The following AIM2 variants were observed in gnomAD, a reference collection of about 807,000 sequenced individuals.
AIM2 encodes the protein interferon-inducible protein AIM2.
A neutral mutation model predicts 27.7 loss-of-function variants in AIM2; 30 were observed. The ratio of observed to expected loss-of-function variants is 1.08; its 90% CI spans 0.81 to 1.47. AIM2 has a LOEUF of 1.47. Among genes scored for constraint, AIM2 ranks in the 40% most tolerant of loss-of-function variants. The pLI is 0.00. For synonymous variants in AIM2, 141 were observed against 145.3 expected (o/e 0.97, Z 0.21); for missense variants, 358 against 411.3 (o/e 0.87, Z 1.12).
At chr1:159,063,393 A>G in intron 5 of AIM2, 93 bp downstream of exon 5, 1 of 1,228,930 alleles carries the variant, frequency 8.1e-7, no homozygotes, top group South Asian at 1.5e-5. Flanking sequence ...CTTCCACTCT[A>G]TATCCTGTTC....
chr1:159,124,900 G>C (rs1459457481), intron 1 of AIM2, among the ~76,000 whole-genome samples: 1 of 152,146 alleles, frequency 6.6e-6, no homozygotes, highest in African/African-American at 2.4e-5. Context: ...TGGTGGCAAG[G>C]GATCTTTCCA....
At chr1:159,130,108 G>A (rs1385836768) in intron 1 of AIM2, among the ~76,000 whole-genome samples, 3 of 152,058 alleles carry the variant, frequency 2.0e-5, no homozygotes, top group East Asian at 3.9e-4. Context: ...TTTTTTAAAA[G>A]CATCTGTTCA....
chr1:159,102,580 T>C (rs1183173544), intron 1 of AIM2, among the ~76,000 whole-genome samples: 1 of 152,198 alleles, frequency 6.6e-6, no homozygotes, highest in African/African-American at 2.4e-5. Context: ...AGCTGTACCC[T>C]GCAAAGCCAC....
chr1:159,113,685 T>C (rs1288067405), intron 1 of AIM2, among the ~76,000 whole-genome samples: 1 of 152,214 alleles, frequency 6.6e-6, no homozygotes, highest in East Asian at 1.9e-4. Context: ...CTTTGGGCTT[T>C]TTCTAGAAAA....
At chr1:159,098,038 A>C (rs1657216630) in intron 1 of AIM2, among the ~76,000 whole-genome samples, 1 of 152,218 alleles carries the variant, frequency 6.6e-6, no homozygotes, top group Non-Finnish European at 1.5e-5. Flanking sequence ...TTCTACAGTG[A>C]ATTCAGATAT....
At chr1:159,101,623 C>T (rs895428592) in intron 1 of AIM2, among the ~76,000 whole-genome samples, 20 of 152,134 alleles carry the variant, frequency 1.3e-4, no homozygotes, top group African/African-American at 4.6e-4. Context: ...ATGGTTTTGA[C>T]CAAAATGCTG....
upstream of AIM2, chr1:159,081,556 A>G: frequency 2.0e-6 from 1 of 501,478 alleles, no homozygotes; most frequent in Non-Finnish European, 4.1e-6. Flanking sequence ...GAGGCTCCTC[A>G]GGCTCTTGAG....
chr1:159,085,611 T>C (rs980107017), intron 1 of AIM2, among the ~76,000 whole-genome samples: 2 of 152,182 alleles, frequency 1.3e-5, no homozygotes, highest in Non-Finnish European at 2.9e-5. Flanking sequence ...GACAGTAACG[T>C]GGGCAGCATC....
intron 1 of AIM2, among the ~76,000 whole-genome samples, chr1:159,102,929 G>A (rs1202533287): frequency 6.6e-6 from 1 of 152,146 alleles, no homozygotes; most frequent in Non-Finnish European, 1.5e-5. Context: ...AAGACTTTGG[G>A]GGACTGTTGG....
intron 1 of AIM2, among the ~76,000 whole-genome samples, chr1:159,130,239 A>T (rs899800117): frequency 2.0e-5 from 3 of 152,000 alleles, no homozygotes; most frequent in African/African-American, 7.3e-5. Context: ...CTTCTTAGCC[A>T]TTCTTCTTTT....
intron 1 of AIM2, among the ~76,000 whole-genome samples, chr1:159,121,167 A>C (rs1458214169): frequency 1.3e-5 from 2 of 152,214 alleles, no homozygotes; most frequent in African/African-American, 2.4e-5. Flanking sequence ...AAAGCTAAAG[A>C]ATTATTCAAG....
chr1:159,077,737 G>A (rs1656664154), upstream of AIM2, among the ~76,000 whole-genome samples: 1 of 152,062 alleles, frequency 6.6e-6, no homozygotes, highest in Non-Finnish European at 1.5e-5. Context: ...TCCTAACCCA[G>A]GCTCCTAACC....
At chr1:159,146,355 T>C (rs982269353) in intron 1 of AIM2, among the ~76,000 whole-genome samples, 1 of 152,088 alleles carries the variant, frequency 6.6e-6, no homozygotes, top group African/African-American at 2.4e-5. Flanking sequence ...CAGGACCCTC[T>C]ATCCTGCTGT....
At chr1:159,085,922 C>A (rs1656903626) in intron 1 of AIM2, among the ~76,000 whole-genome samples, 2 of 152,180 alleles carry the variant, frequency 1.3e-5, no homozygotes, top group African/African-American at 4.8e-5. Context: ...CTAACACACA[C>A]ACACTATGTG....
chr1:159,114,684 T>C (rs371897130), intron 1 of AIM2, among the ~76,000 whole-genome samples: 99 of 152,344 alleles, frequency 6.5e-4, no homozygotes, highest in Middle Eastern at 6.8e-3. Flanking sequence ...CACTACAGCC[T>C]GGGTGACACA....
chr1:159,116,075 TG>T (rs1402591705), intron 1 of AIM2, among the ~76,000 whole-genome samples: 1 of 151,988 alleles, frequency 6.6e-6, no homozygotes, highest in Non-Finnish European at 1.5e-5. Context: ...AAAAGACACA[TG>T]AAAAAATGCT....
At chr1:159,100,915 G>C (rs1408926656) in intron 1 of AIM2, among the ~76,000 whole-genome samples, 1 of 152,186 alleles carries the variant, frequency 6.6e-6, no homozygotes, top group East Asian at 1.9e-4. Context: ...TTCTGTCACT[G>C]GATTTATAGC....
intron 2 of AIM2, among the ~76,000 whole-genome samples, chr1:159,071,419 C>T (rs139645204): frequency 2.4e-4 from 37 of 152,316 alleles, no homozygotes; most frequent in African/African-American, 7.9e-4. Flanking sequence ...CATTCAAAAG[C>T]GGCCTAAGTA....
At chr1:159,081,695 G>C (rs755380599), upstream of AIM2, 10 of 229,596 alleles carry the variant, frequency 4.4e-5, no homozygotes, top group Non-Finnish European at 8.4e-5. Flanking sequence ...AAAAATAAAA[G>C]GACAATTAAG....
Sources: allele counts gnomAD v4.1 joint callset (sites outside exome capture counted in the v4.1 genomes callset), GRCh38; gene constraint gnomAD v4.1.1; transcripts MANE v1.5; gene names NCBI Gene and HGNC (gene_info 2026-07-23, HGNC 2026-07-21).